GRIA1: variants seen among roughly 807,000 people sequenced by gnomAD.
The protein encoded by GRIA1 is glutamate ionotropic receptor AMPA type subunit 1.
A neutral mutation model predicts 99.2 loss-of-function variants in GRIA1; 31 were observed. The ratio of observed to expected loss-of-function variants is 0.31; its 90% CI spans 0.23 to 0.42. The LOEUF is 0.42. Ranked by LOEUF, GRIA1 falls within the 10% of genes least tolerant of loss-of-function variation. GRIA1 has a pLI of 1.00. For missense variants in GRIA1, 782 were observed against 1,157.5 expected (o/e 0.68, Z 4.71); for synonymous variants, 438 against 432.4 (o/e 1.01, Z -0.16).
intron 2 of GRIA1, among the ~76,000 whole-genome samples, chr5:153,605,186 C>CAA (rs776137388): frequency 6.0e-5 from 6 of 99,558 alleles, no homozygotes; most frequent in Non-Finnish European, 8.7e-5. Flanking sequence ...GACTCTGTCT[C>CAA]AAAAAAAAAA....
chr5:153,655,720 A>G (rs1308719911), intron 4 of GRIA1, 99 bp from the exon 5 acceptor site: 1 of 938,982 alleles, frequency 1.1e-6, no homozygotes, highest in African/African-American at 1.6e-5. Flanking sequence ...AGGGTAGGGC[A>G]CATTGTAAGC....
chr5:153,735,078 A>G lies in GRIA1; in HGVS notation c.1823+29011A>G, dbSNP rs189958646. ...TGTTAAACACCCTGCAATATACATG[A>G]CAGGTCCCCACCACAAAGAATTATC... On this transcript the variant is annotated intron_variant, in intron 11 of 15. Coordinates refer to ENST00000285900, the MANE Select transcript of GRIA1 (RefSeq NM_000827.4). Among the ~76,000 whole-genome samples, 49 of 152,242 alleles carry G rather than the reference A, an allele frequency of 3.2e-4. 1 individual carries two copies. Among genetic ancestry groups the G allele is most frequent in the Admixed American group, 3.0e-3 (46 of 15,288 alleles).
chr5:153,667,862 A>T (rs150254352), intron 5 of GRIA1, among the ~76,000 whole-genome samples: 2 of 152,358 alleles, frequency 1.3e-5, no homozygotes, highest in East Asian at 3.9e-4. Flanking sequence ...CCTCTTTAGG[A>T]TATCATAATT....
chr5:153,678,795 G>C (rs1036919162), intron 7 of GRIA1, among the ~76,000 whole-genome samples: 1 of 152,164 alleles, frequency 6.6e-6, no homozygotes, highest in African/African-American at 2.4e-5. Context: ...TGGCAGGAAG[G>C]ACTCTGTACT....
intron 15 of GRIA1, among the ~76,000 whole-genome samples, chr5:153,808,121 T>A (rs1485752326): frequency 6.6e-6 from 1 of 152,214 alleles, no homozygotes; most frequent in Non-Finnish European, 1.5e-5. Context: ...GGCTGAGCAC[T>A]CTCTTCTTAG....
chr5:153,782,506 T>C (rs1764698544), intron 13 of GRIA1, among the ~76,000 whole-genome samples: 1 of 152,188 alleles, frequency 6.6e-6, no homozygotes, highest in Non-Finnish European at 1.5e-5. Flanking sequence ...TCAATTTTTA[T>C]ATAAACTATA....
intron 2 of GRIA1, among the ~76,000 whole-genome samples, chr5:153,505,007 A>T (rs1249224930): frequency 6.6e-6 from 1 of 152,308 alleles, no homozygotes; most frequent in Middle Eastern, 3.4e-3. Flanking sequence ...AGTTTTTGGC[A>T]GGAACGAAAC....
At chr5:153,609,555 C>CTTTTCTTTTTTTTTTTTTTTTTT (rs1765780131) in intron 2 of GRIA1, among the ~76,000 whole-genome samples, 1 of 84,346 alleles carries the variant, frequency 1.2e-5, no homozygotes, top group African/African-American at 5.6e-5. Flanking sequence ...AGACTCTTTT[C>CTTTTCTTTTTTTTTTTTTTTTTT]TTTTTTTTTT....
At chr5:153,670,067 T>G (rs1756040199) in intron 5 of GRIA1, among the ~76,000 whole-genome samples, 1 of 152,222 alleles carries the variant, frequency 6.6e-6, no homozygotes, top group Non-Finnish European at 1.5e-5. Context: ...TTTGCAAAAG[T>G]GCCTCAAGGT....
Position 153,650,447 on chromosome 5 carries a change from A to G in GRIA1, c.578A>G (p.Glu193Gly), listed in dbSNP as rs1317413376. Residue 193 changes from glutamate (E) to glycine (G), a missense_variant, in exon 4 of 16, where the codon GAG (glutamate) becomes GGG (glycine). Glu to Gly is a moderately conservative substitution (Grantham distance 98, BLOSUM62 -2). Around this residue, in one of 5 missense-constraint regions of GRIA1, gnomAD observed 461 missense variants for 521.7 expected, o/e 0.88. Coordinates refer to ENST00000285900, the MANE Select transcript of GRIA1 (RefSeq NM_000827.4). ...TACCGGATGCTCTTTCAGGACCTGGAGAAGAAAAAGGAGCGGCTGGTGGTG... is the reference window on the plus strand; with the variant it reads ...TACCGGATGCTCTTTCAGGACCTGGGGAAGAAAAAGGAGCGGCTGGTGGTG... ...EGYRMLFQDL[E>G]KKKERLVVVD... The G allele has an allele frequency of 1.9e-6, 3 of 1,613,908 alleles. No homozygotes were observed. The highest frequency in any genetic ancestry group is 2.5e-6 in the Non-Finnish European group (3 of 1,179,938).
In GRIA1 at chr5:153,677,169, C is replaced by T. The variant is rs776029254; in HGVS notation, c.1029+8C>T. The T allele has an allele frequency of 2.1e-6, 3 of 1,450,424 alleles. No homozygotes were observed. Among genetic ancestry groups the T allele is most frequent in the East Asian group, 5.2e-5 (2 of 38,636 alleles). The allele number at this position is 1,450,424 out of a possible 1,614,324, so 89.8% of individuals were successfully genotyped here. On this transcript the variant is annotated splice_region_variant and intron_variant, in intron 7 of 15. Transcript: ENST00000285900. ...CAGAGAGCTCTGCAGCAGGTAAGACCACCAATGTTTGCCCCATCTCATAGG... is the reference window on the plus strand; with the variant it reads ...CAGAGAGCTCTGCAGCAGGTAAGACTACCAATGTTTGCCCCATCTCATAGG...
chr5:153,603,636 C>G (rs1422932421), intron 2 of GRIA1, among the ~76,000 whole-genome samples: 1 of 152,174 alleles, frequency 6.6e-6, no homozygotes, highest in Non-Finnish European at 1.5e-5. Context: ...CATCTCTGCT[C>G]TAGAAGATCT....
chr5:153,689,327 C>A (rs59130298), intron 8 of GRIA1, among the ~76,000 whole-genome samples: 4,539 of 152,250 alleles, frequency 0.03, 186 homozygotes, highest in African/African-American at 0.095. Flanking sequence ...GACCATAGAC[C>A]TGGGCTTTTC....
intron 2 of GRIA1, among the ~76,000 whole-genome samples, chr5:153,522,592 C>T (rs936600503): frequency 1.3e-5 from 2 of 152,118 alleles, no homozygotes; most frequent in Non-Finnish European, 2.9e-5. Context: ...TGGGGAGAGG[C>T]ATTGCTCCTC....
intron 2 of GRIA1, among the ~76,000 whole-genome samples, chr5:153,518,521 C>T (rs1299518807): frequency 2.0e-5 from 3 of 152,154 alleles, no homozygotes; most frequent in African/African-American, 7.2e-5. Flanking sequence ...TACTCTGAAG[C>T]TGCTCATGGC....
At position 153,760,735 on chromosome 5, in the gene GRIA1, G is replaced by C. The variant is rs187562936; in HGVS notation, c.1824-3699G>C. 3.9e-5 allele frequency among the ~76,000 whole-genome samples: 6 copies of C among 152,156 alleles called. No individual in the cohort carries two copies. The East Asian group carries it at 1.2e-3, about 29-fold the overall frequency. ...GAGCCAAGGCAATCTTGAACAAAAA[G>C]AACAAAGCTAGAAGCACCACACTAC... On this transcript the variant is annotated intron_variant, in intron 11 of 15. Transcript: ENST00000285900.
chr5:153,582,995 A>T (rs368015507), intron 2 of GRIA1, among the ~76,000 whole-genome samples: 32 of 152,090 alleles, frequency 2.1e-4, no homozygotes, highest in African/African-American at 7.2e-4. Context: ...ACGGGGTTTC[A>T]TCATGTTGCC....
chr5:153,620,639 A>G (rs1381767404), intron 2 of GRIA1, among the ~76,000 whole-genome samples: 1 of 152,208 alleles, frequency 6.6e-6, no homozygotes, highest in Non-Finnish European at 1.5e-5. Context: ...TTCTATTTAA[A>G]TATTAGACTA....
chr5:153,764,400 C>T (rs1443815686), intron 11 of GRIA1, 34 bp from the exon 12 acceptor site: 15 of 1,547,924 alleles, frequency 9.7e-6, no homozygotes, highest in African/African-American at 1.4e-5. Flanking sequence ...AGTTGATGTC[C>T]ATGCTGCTGA....
Sources: gnomAD v4.1 joint callset for allele counts (sites outside exome capture counted in the v4.1 genomes callset) on GRCh38, gnomAD v4.1.1 for gene constraint, gnomAD v4.1.1 regional missense constraint, MANE v1.5 for transcripts, NCBI Gene and HGNC (gene_info 2026-07-23, HGNC 2026-07-21) for gene names.